Variants in DNAJB6 observed in about 807,000 individuals in gnomAD.
DNAJB6 encodes the protein DnaJ heat shock protein family (Hsp40) member B6.
In DNAJB6, 16 loss-of-function variants were observed where a neutral mutation model predicts 42.7. The ratio of observed to expected loss-of-function variants is 0.37; its 90% confidence interval spans 0.25 to 0.57. The LOEUF is 0.57. DNAJB6 is among the 20% of genes least tolerant of loss of function. The pLI is 0.74. For synonymous variants in DNAJB6, 170 were observed against 163.5 expected (o/e 1.04, Z -0.30); for missense variants, 347 against 416.8 (o/e 0.83, Z 1.46).
At chr7:157,391,131 C>T (rs2117120581) in intron 8 of DNAJB6, among the ~76,000 whole-genome samples, 1 of 152,334 alleles carries the variant, frequency 6.6e-6, no homozygotes, top group East Asian at 1.9e-4. Flanking sequence ...CCCCCACTCC[C>T]AGCCCAGAGC....
At chr7:157,365,253 CTA>C (rs1332190773) in intron 3 of DNAJB6, among the ~76,000 whole-genome samples, 4 of 152,244 alleles carry the variant, frequency 2.6e-5, no homozygotes, top group African/African-American at 9.6e-5. Context: ...TGCATCCAGC[CTA>C]TGAGATTTTT....
chr7:157,397,139 G>A (rs371112596), intron 8 of DNAJB6, among the ~76,000 whole-genome samples: 28 of 152,346 alleles, frequency 1.8e-4, no homozygotes, highest in South Asian at 6.2e-4. Context: ...TGCGAGGCCC[G>A]TGTGAAGCCA....
intron 6 of DNAJB6, among the ~76,000 whole-genome samples, chr7:157,383,080 A>G (rs1436406017): frequency 2.0e-5 from 3 of 152,074 alleles, no homozygotes; most frequent in South Asian, 2.1e-4. Flanking sequence ...GTCTCAGCTC[A>G]CTGCAGCCTC....
intron 8 of DNAJB6, among the ~76,000 whole-genome samples, chr7:157,392,522 G>A (rs188487278): frequency 3.4e-4 from 51 of 152,192 alleles, no homozygotes; most frequent in African/African-American, 1.2e-3. Context: ...ATTTGGAAAG[G>A]TTGTTGTGTG....
chr7:157,347,754 G>A (rs1798761095), intron 1 of DNAJB6, among the ~76,000 whole-genome samples: 1 of 152,130 alleles, frequency 6.6e-6, no homozygotes, highest in South Asian at 2.1e-4. Flanking sequence ...AGCATGTCAC[G>A]TTTAAAATTA....
chr7:157,371,492 C>T (rs1340710383), intron 5 of DNAJB6, among the ~76,000 whole-genome samples: 1 of 152,218 alleles, frequency 6.6e-6, no homozygotes, highest in African/African-American at 2.4e-5. Context: ...AGACTTGGGC[C>T]TGGGGCCTGC....
intron 8 of DNAJB6, among the ~76,000 whole-genome samples, chr7:157,408,190 C>T (rs1011576669): frequency 2.2e-4 from 33 of 152,288 alleles, no homozygotes; most frequent in South Asian, 2.1e-4. Flanking sequence ...AGCAGGGGTC[C>T]TGGGGTCCCC....
At chr7:157,350,241 C>T (rs987596732) in intron 1 of DNAJB6, among the ~76,000 whole-genome samples, 1 of 152,140 alleles carries the variant, frequency 6.6e-6, no homozygotes, top group African/African-American at 2.4e-5. Flanking sequence ...GACATTGGAG[C>T]TTGCTCAGAG....
chr7:157,370,753 C>T (rs889630771), intron 5 of DNAJB6: 2 of 152,544 alleles, frequency 1.3e-5, no homozygotes, highest in African/African-American at 4.8e-5. Flanking sequence ...TTGTTCATTC[C>T]GTTCTTATAG....
At chr7:157,345,836 A>C (rs1178779399) in intron 1 of DNAJB6, among the ~76,000 whole-genome samples, 1 of 152,134 alleles carries the variant, frequency 6.6e-6, no homozygotes, top group Non-Finnish European at 1.5e-5. Context: ...ATGCTTGTAG[A>C]GCTCTGATGT....
chr7:157,347,963 T>TTTTTGTATTTTTAGTAGAGA (rs1798772506), intron 1 of DNAJB6, among the ~76,000 whole-genome samples: 2 of 146,078 alleles, frequency 1.4e-5, no homozygotes, highest in Non-Finnish European at 3.0e-5. Flanking sequence ...GCCTAGCTAA[T>TTTTTGTATTTTTAGTAGAGA]TTTTGTATTT....
chr7:157,390,093 A>G (rs1253631810), intron 8 of DNAJB6, among the ~76,000 whole-genome samples: 2 of 152,232 alleles, frequency 1.3e-5, no homozygotes, highest in Non-Finnish European at 2.9e-5. Flanking sequence ...GTGCCCTGGA[A>G]GCATCCCGTG....
intron 1 of DNAJB6, among the ~76,000 whole-genome samples, chr7:157,342,263 T>C (rs1049617221): frequency 1.3e-4 from 19 of 151,110 alleles, no homozygotes; most frequent in African/African-American, 4.4e-4. Flanking sequence ...CGCCTCCTAG[T>C]GTCAAGTGAT....
In DNAJB6 at chr7:157,417,421, CATA is replaced by C. The variant is rs1244733141; in HGVS notation, c.*1325_*1327del. 5.3e-5 allele frequency: 8 copies of C among 152,206 alleles called. No individual in the cohort carries two copies. The highest frequency in any genetic ancestry group is 1.9e-4 in the African/African-American group (8 of 41,442). 9.4% of individuals were successfully genotyped at this position (152,206 alleles called of 1,614,324 possible). A position where few individuals can be genotyped will look rare whatever the true frequency, so the allele number is the denominator to read the frequency against. On this transcript the variant is annotated 3_prime_UTR_variant, in exon 10 of 10. Transcript: ENST00000262177. ...TTAAATGCCACCTACATAAATAAAA[CATA>C]AGCATATTGAATACAGCTCGCCTGC...
At chr7:157,349,252 AGTGT>A (rs1798847962) in intron 1 of DNAJB6, among the ~76,000 whole-genome samples, 4 of 152,254 alleles carry the variant, frequency 2.6e-5, no homozygotes, top group Middle Eastern at 6.8e-3. Flanking sequence ...AAGCTAGCAT[AGTGT>A]GTGTTATAAA....
At chr7:157,349,334 T>C (rs1352126975) in intron 1 of DNAJB6, among the ~76,000 whole-genome samples, 2 of 152,226 alleles carry the variant, frequency 1.3e-5, no homozygotes, top group Non-Finnish European at 2.9e-5. Flanking sequence ...AGGCTTTGAT[T>C]GGTTGACTAA....
At chr7:157,399,653 A>G (rs1368526442) in intron 8 of DNAJB6, among the ~76,000 whole-genome samples, 2 of 151,690 alleles carry the variant, frequency 1.3e-5, no homozygotes, top group African/African-American at 4.8e-5. Flanking sequence ...CTATATATCT[A>G]TATATCTCTC....
chr7:157,366,490 T>G lies in DNAJB6; in HGVS notation c.176-12T>G. 1.2e-6 allele frequency: 2 copies of G among 1,613,802 alleles called. No individual in the cohort carries two copies. The highest frequency in any genetic ancestry group is 1.7e-6 in the Non-Finnish European group (2 of 1,179,866). ...GGAACTTGGCCTTACCGACTTTTCT[T>G]TCAATTTTTAGCTAAGAAACGGGAC... On this transcript the variant is annotated splice_polypyrimidine_tract_variant and intron_variant, in intron 3 of 9. Transcript: ENST00000262177.
intron 1 of DNAJB6, among the ~76,000 whole-genome samples, chr7:157,352,320 C>T (rs1799028594): frequency 6.6e-6 from 1 of 151,838 alleles, no homozygotes; most frequent in Non-Finnish European, 1.5e-5. Flanking sequence ...AAGACTCTGT[C>T]TCAAAATATA....
Sources: gnomAD v4.1 joint callset for allele counts (sites outside exome capture counted in the v4.1 genomes callset) on GRCh38, gnomAD v4.1.1 for gene constraint, MANE v1.5 for transcripts, NCBI Gene and HGNC (gene_info 2026-07-23, HGNC 2026-07-21) for gene names.